IGF1R: variants seen among roughly 807,000 people sequenced by gnomAD.
The protein encoded by IGF1R is insulin like growth factor 1 receptor, also known as insulin-like growth factor 1 receptor.
In IGF1R, 44 loss-of-function variants were observed where a neutral mutation model predicts 144.6. The ratio of observed to expected loss-of-function variants is 0.30; its 90% confidence interval spans 0.24 to 0.39. IGF1R has a LOEUF of 0.39. IGF1R is among the 10% of genes least tolerant of loss of function. IGF1R has a pLI of 1.00. For synonymous variants in IGF1R, 795 were observed against 722.8 expected, an observed-to-expected ratio of 1.10 and a Z score of -1.60; for missense variants, 1,355 against 1,833.7, an observed-to-expected ratio of 0.74 and a Z score of 4.77.
chr15:98,739,069 A>G (rs74032564), intron 2 of IGF1R, among the ~76,000 whole-genome samples: 2,147 of 152,308 alleles, frequency 0.014, 54 homozygotes, highest in African/African-American at 0.049. Flanking sequence ...AACATTGGTT[A>G]TAAGTGAGTG....
At chr15:98,920,599 T>G (rs1409767428) in intron 10 of IGF1R, among the ~76,000 whole-genome samples, 5 of 152,224 alleles carry the variant, frequency 3.3e-5, no homozygotes, top group Non-Finnish European at 7.3e-5. Flanking sequence ...TGTTTTTCCC[T>G]TCCGGGAAGC....
chr15:98,664,731 G>A (rs2052688348), intron 1 of IGF1R, among the ~76,000 whole-genome samples: 2 of 150,360 alleles, frequency 1.3e-5, no homozygotes, highest in South Asian at 2.1e-4. Context: ...TTGGAGGATC[G>A]TTACCAATAC....
intron 2 of IGF1R, among the ~76,000 whole-genome samples, chr15:98,824,981 C>T (rs1188599110): frequency 6.6e-6 from 1 of 152,046 alleles, no homozygotes; most frequent in African/African-American, 2.4e-5. Context: ...GGATTACAGG[C>T]ACGCGCCATC....
At chr15:98,735,915 C>T (rs929343654) in intron 2 of IGF1R, among the ~76,000 whole-genome samples, 34 of 152,192 alleles carry the variant, frequency 2.2e-4, no homozygotes, top group African/African-American at 8.0e-4. Context: ...AAGCTCTGTG[C>T]CCTGAAAGAG....
chr15:98,870,636 T>C (rs1313677630), intron 2 of IGF1R, among the ~76,000 whole-genome samples: 2 of 152,198 alleles, frequency 1.3e-5, no homozygotes, highest in Non-Finnish European at 2.9e-5. Context: ...ATCCCCATCA[T>C]GATTTAGTAC....
intron 2 of IGF1R, among the ~76,000 whole-genome samples, chr15:98,849,036 A>G (rs1420398041): frequency 6.6e-6 from 1 of 151,548 alleles, no homozygotes; most frequent in Non-Finnish European, 1.5e-5. Context: ...AAATCCAAAT[A>G]CAACAGATTT....
chr15:98,787,630 T>C (rs1442012310), intron 2 of IGF1R, among the ~76,000 whole-genome samples: 1 of 151,262 alleles, frequency 6.6e-6, no homozygotes, highest in Non-Finnish European at 1.5e-5. Flanking sequence ...GTATTGATCC[T>C]TAAAACAGAG....
intron 19 of IGF1R, among the ~76,000 whole-genome samples, chr15:98,943,336 A>C (rs151215107): frequency 6.6e-6 from 1 of 152,358 alleles, no homozygotes; most frequent in African/African-American, 2.4e-5. Context: ...GATGTGCCAG[A>C]AGCCGTCACC....
chr15:98,820,011 C>T (rs549249397), intron 2 of IGF1R, among the ~76,000 whole-genome samples: 5 of 152,136 alleles, frequency 3.3e-5, no homozygotes, highest in South Asian at 4.1e-4. Context: ...AGTTTAATCT[C>T]ATAGACCCCC....
chr15:98,916,752 G>A lies in IGF1R; in HGVS notation c.2077G>A (p.Gly693Ser), dbSNP rs375617925. 74 of 1,613,930 alleles carry A rather than the reference G, an allele frequency of 4.6e-5. No homozygotes were observed. The Middle Eastern group carries it at 4.9e-4, about 11-fold the overall frequency. The stretch of plus-strand genomic sequence containing the variant: ...AGAGAACCCCAAGACTGAGGTGTGT[G>A]GTGGGGAGAAAGGGCCTTGCTGCGC... ...VTENPKTEVC[G>S]GEKGPCCACP... is the part of the protein sequence containing the mutation. Residue 693 changes from glycine to serine, a missense_variant, in exon 10 of 21, where the codon GGT becomes AGT. Coordinates refer to ENST00000650285, the MANE Select transcript of IGF1R (RefSeq NM_000875.5).
At chr15:98,705,478 C>T (rs976990972) in intron 1 of IGF1R, among the ~76,000 whole-genome samples, 13 of 152,182 alleles carry the variant, frequency 8.5e-5, no homozygotes, top group Non-Finnish European at 1.2e-4. Flanking sequence ...AAATCTGTTT[C>T]CTCACCTTTA....
rs551403774 is a variant in IGF1R, at chr15:98,911,094, G to A, written c.1463-221G>A. On this transcript the variant is annotated intron_variant, in intron 6 of 20. Coordinates refer to ENST00000650285, the MANE Select transcript of IGF1R (RefSeq NM_000875.5). ...GTCCAAGTCCCTGGGCAAGTAGCCAGCGTAACTGATTGACCTAAAACAAAG... is the reference window on the plus strand; with the variant it reads ...GTCCAAGTCCCTGGGCAAGTAGCCAACGTAACTGATTGACCTAAAACAAAG... 2.5e-4 allele frequency among the ~76,000 whole-genome samples: 38 copies of A among 152,310 alleles called. 2 individuals are homozygous for A. The South Asian group carries it at 7.7e-3, about 31-fold the overall frequency.
At chr15:98,862,570 CTTAT>C (rs2012216703) in intron 2 of IGF1R, among the ~76,000 whole-genome samples, 1 of 152,164 alleles carries the variant, frequency 6.6e-6, no homozygotes, top group African/African-American at 2.4e-5. Flanking sequence ...AGGGATTCAC[CTTAT>C]TTATTAAGCT....
Position 98,962,954 on chromosome 15 carries a change from C to A in IGF1R, c.*5512C>A, listed in dbSNP as rs1438733711. ...CATAACGATCACTCATTTTTATGTC[C>A]CACGTGTGTGTGTCCGCATCTTTCT... On this transcript the variant is annotated 3_prime_UTR_variant, in exon 21 of 21. Transcript: ENST00000650285. 1 of 233,500 alleles carries A rather than the reference C, an allele frequency of 4.3e-6. No individual in the cohort carries two copies. Among genetic ancestry groups the A allele is most frequent in the Non-Finnish European group, 8.5e-6 (1 of 118,044 alleles). 14.5% of individuals were successfully genotyped at this position (233,500 alleles called of 1,614,324 possible).
intron 1 of IGF1R, among the ~76,000 whole-genome samples, chr15:98,656,606 T>A (rs1596146615): frequency 9.6e-6 from 1 of 104,484 alleles, no homozygotes; most frequent in South Asian, 2.8e-4. Flanking sequence ...CTGGAAAACA[T>A]TTTTTTTTTG....
At chr15:98,682,535 A>G (rs2053218192) in intron 1 of IGF1R, among the ~76,000 whole-genome samples, 1 of 152,078 alleles carries the variant, frequency 6.6e-6, no homozygotes, top group Non-Finnish European at 1.5e-5. Context: ...CAGAGAAACT[A>G]GTATCTTTCT....
rs1415289366 is a variant in IGF1R at position 98,937,719 on chromosome 15, CCT to C, written c.3298-1479_3298-1478del. On this transcript the variant is annotated intron_variant, in intron 17 of 20. Coordinates refer to ENST00000650285, the MANE Select transcript of IGF1R (RefSeq NM_000875.5). ...CACCATGAACTGACAAAATTTCAGC[CCT>C]CTGTCTTTCTCCATGCTTAAAGTTG... Among the ~76,000 whole-genome samples, 3 of 152,124 alleles carry C rather than the reference CCT, an allele frequency of 2.0e-5. No homozygotes were observed. The East Asian group carries it at 5.8e-4, about 29-fold the overall frequency.
At chr15:98,910,932 C>G (rs1387512242) in intron 6 of IGF1R, among the ~76,000 whole-genome samples, 1 of 152,248 alleles carries the variant, frequency 6.6e-6, no homozygotes, top group African/African-American at 2.4e-5. Flanking sequence ...TAAGAAGTTT[C>G]AGGGCAGCCT....
intron 2 of IGF1R, among the ~76,000 whole-genome samples, chr15:98,812,976 C>G (rs1326445795): frequency 6.6e-6 from 1 of 152,108 alleles, no homozygotes; most frequent in African/African-American, 2.4e-5. Context: ...AGTCTTCTAT[C>G]GAAAAACAGT....
Sources: allele counts gnomAD v4.1 joint callset (sites outside exome capture counted in the v4.1 genomes callset), GRCh38; gene constraint gnomAD v4.1.1; transcripts MANE v1.5; gene names NCBI Gene and HGNC (gene_info 2026-07-23, HGNC 2026-07-21).